Variants in AAK1 observed in about 807,000 individuals in gnomAD.
The protein encoded by AAK1 is AP2 associated kinase 1, also known as AP2-associated protein kinase 1.
AAK1 carries 37 observed loss-of-function variants against 116.0 expected under a neutral mutation model. The ratio of observed to expected loss-of-function variants is 0.32; its 90% CI spans 0.25 to 0.42. The LOEUF is 0.42. AAK1 is among the 10% of genes least tolerant of loss of function. The pLI is 1.00. For synonymous variants in AAK1, 458 were observed against 439.9 expected (o/e 1.04, Z -0.51); for missense variants, 919 against 1,170.6 (o/e 0.79, Z 3.14).
intron 2 of AAK1, among the ~76,000 whole-genome samples, chr2:69,595,679 A>C (rs1350358667): frequency 1.3e-5 from 2 of 152,214 alleles, no homozygotes; most frequent in East Asian, 3.8e-4. Flanking sequence ...GCAAGTGCTG[A>C]TGTAGTTGTA....
intron 12 of AAK1, among the ~76,000 whole-genome samples, chr2:69,516,276 A>T (rs1676576418): frequency 6.6e-6 from 1 of 151,768 alleles, no homozygotes; most frequent in Non-Finnish European, 1.5e-5. Context: ...AGAACAATTA[A>T]TTATCTATGT....
intron 17 of AAK1, 40 bp from the exon 18 acceptor site, chr2:69,482,852 G>C (rs1675147406): frequency 7.6e-7 from 1 of 1,314,858 alleles, no homozygotes; most frequent in Non-Finnish European, 1.1e-6. Context: ...CAAAAATGTA[G>C]TAAGATATTA....
intron 2 of AAK1, among the ~76,000 whole-genome samples, chr2:69,624,028 GGGAA>G (rs1674787678): frequency 6.6e-6 from 1 of 152,036 alleles, no homozygotes; most frequent in Middle Eastern, 3.2e-3. Context: ...CAGAGAGGGA[GGGAA>G]GGAAGAAGGC....
At chr2:69,565,707 G>A (rs1301705276) in intron 2 of AAK1, among the ~76,000 whole-genome samples, 1 of 152,244 alleles carries the variant, frequency 6.6e-6, no homozygotes, top group Non-Finnish European at 1.5e-5. Flanking sequence ...GTGGGAGAGT[G>A]TCCTCTCCAT....
In AAK1 at chr2:69,538,928, C is replaced by T. The variant is rs574573816; in HGVS notation, c.534+3595G>A. Among the ~76,000 whole-genome samples, 12 of 152,176 alleles carry T rather than the reference C, an allele frequency of 7.9e-5. No individual in the cohort carries two copies. The East Asian group carries it at 2.1e-3, about 27-fold the overall frequency. On this transcript the variant is annotated intron_variant, in intron 5 of 21. Coordinates refer to ENST00000409085, the MANE Select transcript of AAK1 (RefSeq NM_014911.5). ...TTAATATAAAGGAAGACTCTGAGAA[C>T]ATGGGAATATTACTTTCTAAAAGGA...
At position 69,643,152 on chromosome 2, in the gene AAK1, A is replaced by G; in HGVS notation, c.-112T>C. ...GATTTCTTCTCAGATTTCACCTCGG[A>G]GAGGAGCCACCCGAATCCGGCCGTG... On this transcript the variant is annotated 5_prime_UTR_variant, in exon 2 of 22. Coordinates refer to ENST00000409085, the MANE Select transcript of AAK1 (RefSeq NM_014911.5). 4 of 1,417,554 alleles carry G rather than the reference A, an allele frequency of 2.8e-6. No individual in the cohort carries two copies. The highest frequency in any genetic ancestry group is 3.6e-6 in the Non-Finnish European group (4 of 1,100,476). 87.8% of individuals were successfully genotyped at this position (1,417,554 alleles called of 1,614,324 possible). A position where few individuals can be genotyped will look rare whatever the true frequency, so the allele number is the denominator to read the frequency against.
At chr2:69,514,356 G>C (rs748819098) in intron 13 of AAK1, 115 bp downstream of exon 13, 15 of 1,345,474 alleles carry the variant, frequency 1.1e-5, no homozygotes, top group Non-Finnish European at 1.5e-5. Flanking sequence ...GAACCACCCA[G>C]GTGGGAAAGC....
Position 69,559,249 on chromosome 2 carries a change from ATC to A in AAK1, c.164-2273_164-2272del, listed in dbSNP as rs139105045. Among the ~76,000 whole-genome samples, 427 of 139,524 alleles carry A rather than the reference ATC, an allele frequency of 3.1e-3. 4 individuals carry two copies. Among genetic ancestry groups the A allele is most frequent in the South Asian group, 0.023 (104 of 4,474 alleles). 91.5% of individuals were successfully genotyped at this position (139,524 alleles called of 152,430 possible). On this transcript the variant is annotated intron_variant, in intron 2 of 21. Coordinates refer to ENST00000409085, the MANE Select transcript of AAK1 (RefSeq NM_014911.5). ...GCATTGACACTTAGAGGTCTTATCT[ATC>A]TCTCTCTCTCTCACACACACACACA...
At chr2:69,564,490 A>T (rs190617057) in intron 2 of AAK1, among the ~76,000 whole-genome samples, 1 of 152,302 alleles carries the variant, frequency 6.6e-6, no homozygotes, top group East Asian at 1.9e-4. Context: ...AGCTCTAGGT[A>T]TAAGTATTTT....
chr2:69,472,114 AG>A lies in AAK1; in HGVS notation c.*3754del. ...ATTCTAAAGACTAAGGAATCACAGA[AG>A]TTTCCTTATTCAGAAAATTACAGAA... is the stretch of plus-strand genomic sequence containing the variant. On this transcript the variant is annotated 3_prime_UTR_variant, in exon 22 of 22. Coordinates refer to ENST00000409085, the MANE Select transcript of AAK1 (RefSeq NM_014911.5). 1 of 982,426 alleles carries A rather than the reference AG, an allele frequency of 1.0e-6. No individual in the cohort carries two copies. The highest frequency in any genetic ancestry group is 1.2e-6 in the Non-Finnish European group (1 of 827,176). The allele number at this position is 982,426 out of a possible 1,614,324, so 60.9% of individuals were successfully genotyped here.
chr2:69,609,967 G>A (rs534203808), intron 2 of AAK1, among the ~76,000 whole-genome samples: 82 of 144,288 alleles, frequency 5.7e-4, no homozygotes, highest in African/African-American at 2.1e-3. Context: ...AGAGAATGGC[G>A]TGAACCCGGG....
chr2:69,574,189 A>AT (rs1672202585), intron 2 of AAK1, among the ~76,000 whole-genome samples: 5 of 151,306 alleles, frequency 3.3e-5, no homozygotes, highest in African/African-American at 7.3e-5. Context: ...CCTGGCCAAC[A>AT]GTGAAACCCC....
intron 10 of AAK1, among the ~76,000 whole-genome samples, chr2:69,524,412 T>TTTTTGTTTTGTTTTG (rs72095421): frequency 4.8e-4 from 71 of 148,688 alleles, no homozygotes; most frequent in African/African-American, 1.7e-3. Flanking sequence ...CAACATTCTT[T>TTTTTGTTTTGTTTTG]TTTTGTTTTG....
At chr2:69,633,757 T>A (rs1432134185) in intron 2 of AAK1, among the ~76,000 whole-genome samples, 1 of 152,220 alleles carries the variant, frequency 6.6e-6, no homozygotes, top group African/African-American at 2.4e-5. Flanking sequence ...GATATTTTGT[T>A]ACAGCAGCCC....
In AAK1 at chr2:69,469,147, T is replaced by C. The variant is rs1674592367; in HGVS notation, c.*6722A>G. 1.0e-6 allele frequency: 1 copy of C among 985,294 alleles called. No individual in the cohort carries two copies. Among genetic ancestry groups the C allele is most frequent in the East Asian group, 1.1e-4 (1 of 8,826 alleles). 61.0% of individuals were successfully genotyped at this position (985,294 alleles called of 1,614,324 possible). ...TGAGAAGGCCAAGTCCCTTAACCTTTCTATTCTTGTTAGAGGAGGTACAGT... is the reference window on the plus strand; with the variant it reads ...TGAGAAGGCCAAGTCCCTTAACCTTCCTATTCTTGTTAGAGGAGGTACAGT... On this transcript the variant is annotated 3_prime_UTR_variant, in exon 22 of 22. Coordinates refer to ENST00000409085, the MANE Select transcript of AAK1 (RefSeq NM_014911.5).
intron 2 of AAK1, among the ~76,000 whole-genome samples, chr2:69,611,473 G>A (rs1450870158): frequency 1.3e-5 from 2 of 152,180 alleles, no homozygotes; most frequent in Non-Finnish European, 2.9e-5. Flanking sequence ...TTTAGAGTTG[G>A]TTTTGAGGCT....
intron 16 of AAK1, among the ~76,000 whole-genome samples, chr2:69,504,838 T>C (rs1181795742): frequency 2.0e-5 from 3 of 152,174 alleles, no homozygotes; most frequent in Non-Finnish European, 4.4e-5. Flanking sequence ...CACAAAGATA[T>C]CTGTGACTCT....
rs1017627966 is a variant in AAK1 at position 69,471,931 on chromosome 2, T to C, written c.*3938A>G. On this transcript the variant is annotated 3_prime_UTR_variant, in exon 22 of 22. Transcript: ENST00000409085. ...AAACAAATATTACATCTTGAGAAAG[T>C]AGTTCGTTTCTTGGGTTTGTTTTTC... 11 of 985,252 alleles carry C rather than the reference T, an allele frequency of 1.1e-5. No homozygotes were observed. Among genetic ancestry groups the C allele is most frequent in the East Asian group, 1.1e-4 (1 of 8,838 alleles). The allele number at this position is 985,252 out of a possible 1,614,324, so 61.0% of individuals were successfully genotyped here.
intron 17 of AAK1, among the ~76,000 whole-genome samples, chr2:69,483,848 T>A (rs1675188985): frequency 6.6e-6 from 1 of 152,250 alleles, no homozygotes; most frequent in Non-Finnish European, 1.5e-5. Flanking sequence ...TCACACCTGG[T>A]AACTTAATGT....
Sources: allele counts gnomAD v4.1 joint callset (sites outside exome capture counted in the v4.1 genomes callset), GRCh38; gene constraint gnomAD v4.1.1; transcripts MANE v1.5; gene names NCBI Gene and HGNC (gene_info 2026-07-23, HGNC 2026-07-21).